Variants in TTC7A observed in about 807,000 individuals in gnomAD.
TTC7A encodes tetratricopeptide repeat domain 7A.
A neutral mutation model predicts 103.7 loss-of-function variants in TTC7A; 110 were observed. The observed-to-expected ratio is 1.06, with a 90% CI of 0.91 to 1.24. The LOEUF (loss-of-function observed/expected upper bound fraction) is 1.24. Ranked by LOEUF, TTC7A falls within the 50% of genes most tolerant of loss-of-function variation. TTC7A has a pLI of 0.00. For missense variants in TTC7A, 1,340 were observed against 1,116.3 expected (o/e 1.20, Z -2.86); for synonymous variants, 521 against 467.9 (o/e 1.11, Z -1.47).
At chr2:46,975,253 C>G (rs1673763780) in intron 4 of TTC7A, 150 bp downstream of exon 4, 13 of 1,028,094 alleles carry the variant, frequency 1.3e-5, no homozygotes, top group Non-Finnish European at 1.6e-5. Flanking sequence ...AGTTGGAAAA[C>G]TCATTATAGT....
At chr2:47,016,733 G>A (rs1678695990) in intron 11 of TTC7A, among the ~76,000 whole-genome samples, 1 of 152,234 alleles carries the variant, frequency 6.6e-6, no homozygotes, top group Non-Finnish European at 1.5e-5. Flanking sequence ...TAACTTGGAG[G>A]CCACAAGGAG....
At chr2:47,070,030 T>C (rs561393818) in intron 19 of TTC7A, among the ~76,000 whole-genome samples, 2 of 149,976 alleles carry the variant, frequency 1.3e-5, no homozygotes, top group East Asian at 2.0e-4. Flanking sequence ...GGCCCACAGC[T>C]GGCCTAGCGC....
chr2:47,024,675 G>C (rs1053852072), intron 14 of TTC7A, among the ~76,000 whole-genome samples: 5 of 152,112 alleles, frequency 3.3e-5, no homozygotes, highest in African/African-American at 9.7e-5. Context: ...GCCTTCCACT[G>C]GCTTTTCCCC....
intron 19 of TTC7A, among the ~76,000 whole-genome samples, chr2:47,068,946 G>A (rs1253825219): frequency 2.0e-5 from 3 of 147,714 alleles, no homozygotes; most frequent in Non-Finnish European, 1.5e-5. Context: ...CTGTCCAGCA[G>A]CCCCCTCCCC....
In TTC7A at chr2:47,073,886, C is replaced by T; in HGVS notation, c.2540C>T (p.Pro847Leu). 2 of 1,613,310 alleles carry T rather than the reference C, an allele frequency of 1.2e-6. No homozygotes were observed. Among genetic ancestry groups the T allele is most frequent in the Non-Finnish European group, 1.7e-6 (2 of 1,180,000 alleles). ...GCCCTTGAGCTGGAGGCCAGCAGCC[C>T]TGTACTGCCCTTCTCCATCATCCCC... ...LTALELEASS[P>L]VLPFSIIPRE... The change falls in exon 20 of 20, where the codon CCT becomes CTT. Residue 847 changes from proline to leucine, a missense_variant. Transcript: ENST00000319190.
In TTC7A at chr2:47,042,927, C is replaced by G. The variant is rs568278508; in HGVS notation, c.1803-3388C>G. On this transcript the variant is annotated intron_variant, in intron 15 of 19. Coordinates refer to ENST00000319190, the MANE Select transcript of TTC7A (RefSeq NM_020458.4). Reference sequence around the variant, plus strand: ...GAGCCTAGGCTTGCCTACTCTATCCCCAGCCCCGACTGCCAGCAGCCTCCC... The same window carrying G: ...GAGCCTAGGCTTGCCTACTCTATCCGCAGCCCCGACTGCCAGCAGCCTCCC... Among the ~76,000 whole-genome samples, 417 of 152,330 alleles carry G rather than the reference C, an allele frequency of 2.7e-3. 2 individuals are homozygous for G. Among genetic ancestry groups the G allele is most frequent in the African/African-American group, 9.3e-3 (385 of 41,568 alleles).
chr2:46,969,199 G>A (rs1673132361), intron 3 of TTC7A, among the ~76,000 whole-genome samples: 1 of 86,040 alleles, frequency 1.2e-5, no homozygotes, highest in Non-Finnish European at 2.7e-5. Context: ...GTATATAAGA[G>A]TTTGTTTTAA....
At chr2:47,071,857 A>C (rs909886729) in intron 19 of TTC7A, among the ~76,000 whole-genome samples, 6 of 152,184 alleles carry the variant, frequency 3.9e-5, no homozygotes, top group African/African-American at 1.4e-4. Flanking sequence ...TTCAAACAGA[A>C]TCCCATGTGG....
intron 7 of TTC7A, 102 bp from the exon 8 acceptor site, chr2:46,995,034 C>G: frequency 9.3e-7 from 1 of 1,071,060 alleles, no homozygotes; most frequent in Non-Finnish European, 1.4e-6. Context: ...GTCACCTTAC[C>G]GAGCTGGTGC....
At chr2:46,951,474 G>A in intron 2 of TTC7A, 12 of 432,902 alleles carry the variant, frequency 2.8e-5, no homozygotes, top group South Asian at 2.0e-4. Context: ...ACTCAAAAGA[G>A]GAGGGGGAGG....
intron 8 of TTC7A, among the ~76,000 whole-genome samples, chr2:47,004,466 C>T (rs1677162136): frequency 1.3e-5 from 2 of 152,152 alleles, no homozygotes; most frequent in African/African-American, 4.8e-5. Flanking sequence ...CCACTTGCTG[C>T]ATAGGAGGGA....
At chr2:46,986,718 G>C (rs943399833) in intron 5 of TTC7A, among the ~76,000 whole-genome samples, 1 of 152,194 alleles carries the variant, frequency 6.6e-6, no homozygotes, top group East Asian at 1.9e-4. Flanking sequence ...CTGCCAGCGA[G>C]ACTAAGGAGA....
At chr2:47,073,260 A>C (rs2103668709) in intron 19 of TTC7A, among the ~76,000 whole-genome samples, 1 of 152,282 alleles carries the variant, frequency 6.6e-6, no homozygotes, top group East Asian at 1.9e-4. Flanking sequence ...CTGAGTGAGA[A>C]CACACTCCTG....
intron 8 of TTC7A, among the ~76,000 whole-genome samples, chr2:46,998,510 A>C (rs1160569063): frequency 6.6e-6 from 1 of 152,196 alleles, no homozygotes; most frequent in Non-Finnish European, 1.5e-5. Context: ...ATGTACCTGC[A>C]GGGTTTTCCT....
chr2:47,025,952 T>C (rs1420075461), intron 14 of TTC7A, among the ~76,000 whole-genome samples: 1 of 152,308 alleles, frequency 6.6e-6, no homozygotes, highest in South Asian at 2.1e-4. Context: ...TTCTTGCTAA[T>C]CTAGTGAACG....
At chr2:47,023,850 C>A (rs913832721) in intron 13 of TTC7A, among the ~76,000 whole-genome samples, 1 of 151,808 alleles carries the variant, frequency 6.6e-6, no homozygotes, top group Non-Finnish European at 1.5e-5. Flanking sequence ...CCCCAGCCAC[C>A]CCTCCCACTA....
chr2:46,992,455 GCAGTGGAAGAAGC>G (rs112573368), intron 5 of TTC7A, among the ~76,000 whole-genome samples: 24 of 152,366 alleles, frequency 1.6e-4, no homozygotes, highest in African/African-American at 5.8e-4. Flanking sequence ...GCCACGTAAG[GCAGTGGAAGAAGC>G]CAGTGCCGAG....
At chr2:47,056,783 G>A (rs1302871423) in intron 18 of TTC7A, among the ~76,000 whole-genome samples, 1 of 152,134 alleles carries the variant, frequency 6.6e-6, no homozygotes, top group Non-Finnish European at 1.5e-5. Context: ...GAAGAGGTCA[G>A]GGGGTAGGCA....
chr2:47,028,933 C>A (rs1307186012), intron 14 of TTC7A, among the ~76,000 whole-genome samples: 1 of 152,196 alleles, frequency 6.6e-6, no homozygotes, highest in African/African-American at 2.4e-5. Flanking sequence ...CCACACATGG[C>A]TGCCTCACCC....
Sources: gnomAD v4.1 joint callset for allele counts (sites outside exome capture counted in the v4.1 genomes callset) on GRCh38, gnomAD v4.1.1 for gene constraint, MANE v1.5 for transcripts, NCBI Gene and HGNC (gene_info 2026-07-23, HGNC 2026-07-21) for gene names.